Variants in LNX1 observed in about 807,000 individuals in gnomAD.
LNX1 encodes E3 ubiquitin-protein ligase LNX.
In LNX1, 54 loss-of-function variants were observed where a neutral mutation model predicts 68.4. The ratio of observed to expected loss-of-function variants is 0.79; its 90% CI spans 0.63 to 0.99. The LOEUF (loss-of-function observed/expected upper bound fraction) is 0.99, where lower values mean the gene tolerates loss of function less well. Ranked by LOEUF, LNX1 falls within the 50% of genes least tolerant of loss-of-function variation. The pLI is 0.00. For synonymous variants in LNX1, 336 were observed against 350.0 expected (o/e 0.96, Z 0.45); for missense variants, 906 against 926.4 (o/e 0.98, Z 0.29).
At chr4:53,571,466 G>A (rs1197859864) in intron 2 of LNX1, among the ~76,000 whole-genome samples, 1 of 152,212 alleles carries the variant, frequency 6.6e-6, no homozygotes, top group East Asian at 1.9e-4. Context: ...AGAGAGCCTG[G>A]AAGATGCTAT....
intron 4 of LNX1, among the ~76,000 whole-genome samples, chr4:53,506,427 A>T (rs1001589041): frequency 4.1e-5 from 5 of 122,640 alleles, no homozygotes; most frequent in Non-Finnish European, 9.4e-5. Flanking sequence ...TGGGGAAAAC[A>T]TATGGGATCT....
Position 53,478,771 on chromosome 4 carries a change from C to T in LNX1, c.1486-29G>A, listed in dbSNP as rs371751993. On this transcript the variant is annotated intron_variant, in intron 7 of 10. Coordinates refer to ENST00000263925, the MANE Select transcript of LNX1 (RefSeq NM_001126328.3). ...AAGGCACAGATGGAAAAACATGGCACATGAATTCACAACTCTGGTAGTTTT... is the reference window on the plus strand; with the variant it reads ...AAGGCACAGATGGAAAAACATGGCATATGAATTCACAACTCTGGTAGTTTT... The T allele has an allele frequency of 3.1e-6, 5 of 1,593,804 alleles. No individual in the cohort carries two copies. The African/African-American group carries it at 6.7e-5, about 21-fold the overall frequency.
intron 2 of LNX1, among the ~76,000 whole-genome samples, chr4:53,513,696 T>C (rs1252167777): frequency 6.6e-6 from 1 of 152,228 alleles, no homozygotes; most frequent in Non-Finnish European, 1.5e-5. Flanking sequence ...CTTTTCATCA[T>C]GGCTACTGCC....
intron 2 of LNX1, among the ~76,000 whole-genome samples, chr4:53,606,702 C>T (rs1488444428): frequency 6.6e-6 from 1 of 152,086 alleles, no homozygotes; most frequent in Non-Finnish European, 1.5e-5. Context: ...ATGCAAAAAT[C>T]CTCAATAAAA....
At chr4:53,547,544 T>C in intron 2 of LNX1, among the ~76,000 whole-genome samples, 1 of 152,146 alleles carries the variant, frequency 6.6e-6, no homozygotes, top group Middle Eastern at 3.2e-3. Context: ...TGGATTACAG[T>C]CCTTGGGATG....
chr4:53,511,373 G>A (rs2164265), intron 2 of LNX1, among the ~76,000 whole-genome samples: 126,393 of 152,110 alleles, frequency 0.83, 52,813 homozygotes, highest in South Asian at 0.94. Context: ...AAGAACATAC[G>A]GTAAACCCTG....
In LNX1 at chr4:53,579,206, T is replaced by A. The variant is rs372575029; in HGVS notation, c.-86-5118A>T. On this transcript the variant is annotated intron_variant, in intron 1 of 10. Coordinates refer to ENST00000263925, the MANE Select transcript of LNX1 (RefSeq NM_001126328.3). ...GAGCTGTGATACAGTGTTTTGGCAG[T>A]TTAGAGTAAGAAAGAGTAGTGGAGT... 19 of 946,484 alleles carry A rather than the reference T, an allele frequency of 2.0e-5. No individual in the cohort carries two copies. The African/African-American group carries it at 2.7e-4, about 13-fold the overall frequency. The allele number at this position is 946,484 out of a possible 1,614,324, so 58.6% of individuals were successfully genotyped here. A position where few individuals can be genotyped will look rare whatever the true frequency, so the allele number is the denominator to read the frequency against.
Position 53,568,416 on chromosome 4 carries a change from T to G in LNX1, c.380+5207A>C, listed in dbSNP as rs201597301. ...AAAACCACATGATTATCTCAATAGA[T>G]GCAGAAAAGGCCTTTGATAAAATTC... On this transcript the variant is annotated intron_variant, in intron 2 of 10. Transcript: ENST00000263925. Among the ~76,000 whole-genome samples the G allele has an allele frequency of 4.1e-4, 63 of 152,244 alleles. No individual in the cohort carries two copies. In the East Asian group the frequency reaches 0.011, roughly 27 times the overall value.
intron 2 of LNX1, among the ~76,000 whole-genome samples, chr4:53,547,044 CCA>C (rs901709435): frequency 5.9e-5 from 9 of 152,182 alleles, no homozygotes; most frequent in African/African-American, 2.2e-4. Context: ...TACAGCAACT[CCA>C]GTTTCTTGAT....
At chr4:53,632,002 T>C (rs540977651) in intron 1 of LNX1, among the ~76,000 whole-genome samples, 2 of 152,184 alleles carry the variant, frequency 1.3e-5, no homozygotes, top group Non-Finnish European at 2.9e-5. Context: ...TGTATGAATG[T>C]GGAGAAGGAG....
chr4:53,587,156 G>T (rs1263772269), intron 1 of LNX1, among the ~76,000 whole-genome samples: 2 of 152,222 alleles, frequency 1.3e-5, no homozygotes, highest in Non-Finnish European at 2.9e-5. Context: ...TTACTGATCT[G>T]AAGTGTGTAT....
chr4:53,609,793 A>G (rs1036638819), intron 2 of LNX1, among the ~76,000 whole-genome samples: 25 of 142,826 alleles, frequency 1.8e-4, no homozygotes, highest in African/African-American at 6.3e-4. Context: ...TATTATTTAA[A>G]TATAAAATAT....
At chr4:53,545,179 T>A (rs540141106) in intron 2 of LNX1, among the ~76,000 whole-genome samples, 1 of 152,346 alleles carries the variant, frequency 6.6e-6, no homozygotes, top group East Asian at 1.9e-4. Flanking sequence ...CTTTGAGAAC[T>A]CCTGTAGTCT....
At chr4:53,560,925 T>C (rs1293325323) in intron 2 of LNX1, among the ~76,000 whole-genome samples, 1 of 152,242 alleles carries the variant, frequency 6.6e-6, no homozygotes, top group African/African-American at 2.4e-5. Flanking sequence ...GAACAGAGAT[T>C]GCTCCATGGC....
At chr4:53,651,671 C>G (rs368724938) in intron 1 of LNX1, among the ~76,000 whole-genome samples, 1 of 152,182 alleles carries the variant, frequency 6.6e-6, no homozygotes, top group Admixed American at 6.5e-5. Context: ...CCTACACACC[C>G]GTGAGCAGGT....
intron 2 of LNX1, among the ~76,000 whole-genome samples, chr4:53,528,832 C>A (rs981537780): frequency 6.6e-6 from 1 of 152,096 alleles, no homozygotes; most frequent in Middle Eastern, 3.2e-3. Flanking sequence ...CAAACCTAGC[C>A]AATCAGGACA....
chr4:53,565,337 AC>A (rs966432435), intron 2 of LNX1, among the ~76,000 whole-genome samples: 6 of 151,806 alleles, frequency 4.0e-5, no homozygotes, highest in African/African-American at 1.2e-4. Context: ...TGGGTCCCTG[AC>A]CCCTGACCCC....
intron 2 of LNX1, among the ~76,000 whole-genome samples, chr4:53,510,339 C>T (rs4864768): frequency 0.98 from 148,942 of 152,344 alleles, 72,901 homozygotes; most frequent in Middle Eastern, 1. Context: ...TATGAACATA[C>T]CTCTCATAGT....
intron 2 of LNX1, chr4:53,539,104 T>C (rs1387597316): frequency 6.6e-6 from 1 of 152,200 alleles, no homozygotes; most frequent in Non-Finnish European, 1.5e-5. Flanking sequence ...TTAAATTTCC[T>C]GGATAAAATC....
Sources: gnomAD v4.1 joint callset for allele counts (sites outside exome capture counted in the v4.1 genomes callset) on GRCh38, gnomAD v4.1.1 for gene constraint, MANE v1.5 for transcripts, NCBI Gene and HGNC (gene_info 2026-07-23, HGNC 2026-07-21) for gene names.